The following DHX38 variants were observed in gnomAD, a reference collection of about 807,000 sequenced individuals.
The protein encoded by DHX38 is DEAH-box helicase 38, also known as pre-mRNA-splicing factor ATP-dependent RNA helicase PRP16.
A neutral mutation model predicts 153.1 loss-of-function variants in DHX38; 100 were observed. That is an observed-to-expected ratio of 0.65 (90% confidence interval 0.56 to 0.77). The LOEUF (loss-of-function observed/expected upper bound fraction) is 0.77. Ranked by LOEUF, DHX38 falls within the 30% of genes least tolerant of loss-of-function variation. The pLI is 0.00. For missense variants in DHX38, 1,440 were observed against 1,654.0 expected (o/e 0.87, Z 2.24); for synonymous variants, 650 against 631.7 (o/e 1.03, Z -0.43).
At chr16:72,108,986 C>A in intron 24 of DHX38, 61 bp downstream of exon 24, 1 of 1,532,180 alleles carries the variant, frequency 6.5e-7, no homozygotes, top group Non-Finnish European at 8.8e-7. Context: ...GCTTTGAAAC[C>A]CTTCACTGCG....
At chr16:72,105,427 G>T (rs1597445799) in intron 17 of DHX38, 79 bp downstream of exon 17, 3 of 1,597,418 alleles carry the variant, frequency 1.9e-6, no homozygotes, top group African/African-American at 1.3e-5. Flanking sequence ...GTCCTGGCAG[G>T]GGGTGGGCTA....
intron 17 of DHX38, 39 bp from the exon 18 acceptor site, chr16:72,105,478 G>A (rs377435750): frequency 1.9e-6 from 3 of 1,612,358 alleles, no homozygotes; most frequent in Non-Finnish European, 2.5e-6. Flanking sequence ...TTCCTGTCTC[G>A]AGGGACTCAT....
In DHX38 at chr16:72,103,098, C is replaced by T. The variant is rs201988790; in HGVS notation, c.1524C>T (p.His508=). 2 of 1,614,182 alleles carry T rather than the reference C, an allele frequency of 1.2e-6. No individual in the cohort carries two copies. Among genetic ancestry groups the T allele is most frequent in the East Asian group, 4.5e-5 (2 of 44,872 alleles). Residue 508 remains histidine (H), a synonymous_variant, in exon 12 of 27, where the codon CAC becomes CAT. Coordinates refer to ENST00000268482, the MANE Select transcript of DHX38 (RefSeq NM_014003.4). ...DYRTEQKFAD[H]MKRKSEASSE... ...GGACAGAGCAGAAGTTTGCAGATCA[C>T]ATGAAGAGAAAGAGCGAAGCCAGCA... is the stretch of plus-strand genomic sequence containing the variant.
rs915302644 is a variant in DHX38 at position 72,112,028 on chromosome 16, T to C, written c.3600-385T>C. 1.8e-5 allele frequency: 4 copies of C among 225,736 alleles called. No homozygotes were observed. The South Asian group carries it at 2.9e-4, about 16-fold the overall frequency. 14.0% of individuals were successfully genotyped at this position (225,736 alleles called of 1,614,324 possible). A position where few individuals can be genotyped will look rare whatever the true frequency, so the allele number is the denominator to read the frequency against. ...TCAAACGAGGGCTGAGGGGCCCCCATGAATAGCAGACACTCCAGTCACTTG... is the reference window on the plus strand; with the variant it reads ...TCAAACGAGGGCTGAGGGGCCCCCACGAATAGCAGACACTCCAGTCACTTG... On this transcript the variant is annotated intron_variant, in intron 26 of 26. Coordinates refer to ENST00000268482, the MANE Select transcript of DHX38 (RefSeq NM_014003.4).
In DHX38 at chr16:72,098,757, G is replaced by A; in HGVS notation, c.729G>A (p.Glu243=). ...CGACGCCTTCCTATCGGGATTCTGA[G>A]CGGAGCCATCGGCTGTCCACTCGAG... ...PSPTPSYRDS[E]RSHRLSTRDR... The change falls in exon 5 of 27, where the codon GAG becomes GAA. Residue 243 remains glutamate, a synonymous_variant. Transcript: ENST00000268482. 1 of 1,614,204 alleles carries A rather than the reference G, an allele frequency of 6.2e-7. No individual in the cohort carries two copies. The highest frequency in any genetic ancestry group is 1.1e-5 in the South Asian group (1 of 91,080).
chr16:72,101,021 G>A lies in DHX38; in HGVS notation c.1279-65G>A. On this transcript the variant is annotated intron_variant, in intron 9 of 26. Transcript: ENST00000268482. ...GGTAGCAGTCCCTTTCACAAGTAGG[G>A]ATCTTATGAACATGGCCTTCTTGCT... 2.0e-6 allele frequency: 3 copies of A among 1,465,166 alleles called. No individual in the cohort carries two copies. The Admixed American group carries it at 5.0e-5, about 25-fold the overall frequency. The allele number at this position is 1,465,166 out of a possible 1,614,324, so 90.8% of individuals were successfully genotyped here. A position where few individuals can be genotyped will look rare whatever the true frequency, so the allele number is the denominator to read the frequency against.
At position 72,094,663 on chromosome 16, in the gene DHX38, A is replaced by G. The variant is rs539702456; in HGVS notation, c.-20+612A>G. ...ATTTGTTCGTCTCAGCAGCTAATGA[A>G]GTTCTCTCTGGCTGTCTCCTTGTCC... is the stretch of plus-strand genomic sequence containing the variant. On this transcript the variant is annotated intron_variant, in intron 1 of 26. Coordinates refer to ENST00000268482, the MANE Select transcript of DHX38 (RefSeq NM_014003.4). 3.9e-5 allele frequency among the ~76,000 whole-genome samples: 6 copies of G among 152,324 alleles called. 1 individual carries two copies. In the South Asian group the frequency reaches 1.2e-3, roughly 32 times the overall value.
chr16:72,104,955 C>A lies in DHX38; in HGVS notation c.2152-72C>A. ...CCATTCCAGAGCAGTGCCTGGGCCA[C>A]TGGGCTCCCAGGAGATGCCCGGCCT... On this transcript the variant is annotated intron_variant, in intron 15 of 26. Transcript: ENST00000268482. This position sits in a 1 kb window ranked among gnomAD's most constrained non-coding sequence, Gnocchi z 4.5. 6.8e-7 allele frequency: 1 copy of A among 1,463,452 alleles called. No homozygotes were observed. The allele number at this position is 1,463,452 out of a possible 1,614,324, so 90.7% of individuals were successfully genotyped here.
intron 18 of DHX38, 105 bp downstream of exon 18, chr16:72,105,729 G>A (rs1222831100): frequency 1.8e-5 from 21 of 1,137,308 alleles, no homozygotes; most frequent in African/African-American, 7.6e-5. Flanking sequence ...TGTGGGGAGC[G>A]CGTGGAAGTG....
At chr16:72,101,293 C>A in intron 10 of DHX38, 100 bp downstream of exon 10, 1 of 1,362,164 alleles carries the variant, frequency 7.3e-7, no homozygotes, top group Non-Finnish European at 1.0e-6. Flanking sequence ...AGTTAGGAGT[C>A]CCCTCTATCA....
intron 26 of DHX38, among the ~76,000 whole-genome samples, chr16:72,111,857 C>G (rs568205908): frequency 6.6e-6 from 1 of 152,314 alleles, no homozygotes; most frequent in South Asian, 2.1e-4. Context: ...AGCCTCCAGT[C>G]CCCCCTCCTC....
chr16:72,105,164 G>A, intron 16 of DHX38, 27 bp downstream of exon 16: 14 of 1,613,818 alleles, frequency 8.7e-6, no homozygotes, highest in Non-Finnish European at 1.1e-5. Context: ...CGACTGTGAT[G>A]AGCGGGTGTG....
At position 72,108,931 on chromosome 16, in the gene DHX38, T is replaced by C; in HGVS notation, c.3381+6T>C. The C allele has an allele frequency of 6.3e-7, 1 of 1,595,732 alleles. No individual in the cohort carries two copies. The highest frequency in any genetic ancestry group is 8.5e-7 in the Non-Finnish European group (1 of 1,170,644). On this transcript the variant is annotated splice_donor_region_variant and intron_variant, in intron 24 of 26. Coordinates refer to ENST00000268482, the MANE Select transcript of DHX38 (RefSeq NM_014003.4). ...AGTTGGTCATGACCACCAAGGTGAG[T>C]CTTTTCCAAGGCACTTGCATAATGC...
In DHX38 at chr16:72,109,463, C is replaced by T. The variant is rs781216872; in HGVS notation, c.3430C>T (p.Leu1144=). The change falls in exon 25 of 27, where the codon CTG becomes TTG. Residue 1144 remains leucine (L), a synonymous_variant. Coordinates refer to ENST00000268482, the MANE Select transcript of DHX38 (RefSeq NM_014003.4). The part of the protein sequence containing the change: ...TAVDGEWLAE[L]GPMFYSVKQA... ...TGTGGACGGGGAGTGGCTGGCGGAG[C>T]TGGGCCCCATGTTCTATAGCGTGAA... is the stretch of plus-strand genomic sequence containing the variant. 6.2e-7 allele frequency: 1 copy of T among 1,611,958 alleles called. No individual in the cohort carries two copies. The highest frequency in any genetic ancestry group is 1.1e-5 in the South Asian group (1 of 90,946).
At position 72,112,403 on chromosome 16, in the gene DHX38, G is replaced by C. The variant is rs1209588191; in HGVS notation, c.3600-10G>C. On this transcript the variant is annotated splice_polypyrimidine_tract_variant and intron_variant, in intron 26 of 26. Transcript: ENST00000268482. ...ACGGTGTTTCCTGATCTCTCCTGCTGTGTCTCCAGGTCTACGAAGATCTAC... is the reference window on the plus strand; with the variant it reads ...ACGGTGTTTCCTGATCTCTCCTGCTCTGTCTCCAGGTCTACGAAGATCTAC... The C allele has an allele frequency of 1.3e-6, 2 of 1,576,770 alleles. No individual in the cohort carries two copies. The highest frequency in any genetic ancestry group is 1.7e-6 in the Non-Finnish European group (2 of 1,166,566).
At chr16:72,109,226 T>C (rs1425242550) in intron 24 of DHX38, among the ~76,000 whole-genome samples, 189 bp from the exon 25 acceptor site, 1 of 152,216 alleles carries the variant, frequency 6.6e-6, no homozygotes, top group Admixed American at 6.5e-5. Flanking sequence ...CCTTTTCTTT[T>C]AGATACTGGG....
Position 72,097,723 on chromosome 16 carries a change from A to G in DHX38, c.558A>G (p.Gly186=). The change falls in exon 4 of 27, where the codon GGA becomes GGG. Residue 186 remains glycine (G), a synonymous_variant. Coordinates refer to ENST00000268482, the MANE Select transcript of DHX38 (RefSeq NM_014003.4). ...SRHSSRSERD[G]GSERSSRRNE... ...ACAGCAGCAGATCAGAGCGAGATGG[A>G]GGGTCAGAGCGTAGCAGCAGAAGAA... 6.2e-7 allele frequency: 1 copy of G among 1,614,092 alleles called. No homozygotes were observed. The highest frequency in any genetic ancestry group is 8.5e-7 in the Non-Finnish European group (1 of 1,179,986).
At position 72,098,647 on chromosome 16, in the gene DHX38, G is replaced by C. The variant is rs1009379062; in HGVS notation, c.619G>C (p.Ala207Pro). 2.5e-6 allele frequency: 4 copies of C among 1,613,742 alleles called. No homozygotes were observed. Among genetic ancestry groups the C allele is most frequent in the Non-Finnish European group, 3.4e-6 (4 of 1,179,762 alleles). ...PESPRHRPKDAATPSRSTWEE... is the reference protein window; with the variant it reads ...PESPRHRPKDPATPSRSTWEE... ...TGGATGTGTCTTTTGTGGCCCAGAT[G>C]CAGCCACCCCTTCAAGGTCTACCTG... The change falls in exon 5 of 27, where the codon GCA becomes CCA. Residue 207 changes from alanine (A) to proline (P), a missense_variant and splice_region_variant. Transcript: ENST00000268482.
At chr16:72,101,728 C>A in intron 11 of DHX38, 116 bp downstream of exon 11, 1 of 741,340 alleles carries the variant, frequency 1.3e-6, no homozygotes, top group Non-Finnish European at 2.3e-6. Flanking sequence ...TCTTAGGATA[C>A]CTCTCTGCAT....
Sources: gnomAD v4.1 joint callset for allele counts (sites outside exome capture counted in the v4.1 genomes callset) on GRCh38, gnomAD v4.1.1 for gene constraint, Gnocchi (gnomAD v3.1) non-coding constraint, MANE v1.5 for transcripts, NCBI Gene and HGNC (gene_info 2026-07-23, HGNC 2026-07-21) for gene names.